The following ADAM23 variants were observed in gnomAD, a reference collection of about 807,000 sequenced individuals.
ADAM23 encodes the protein disintegrin and metalloproteinase domain-containing protein 23.
In ADAM23, 33 loss-of-function variants were observed where a neutral mutation model predicts 120.1. The observed-to-expected ratio is 0.27, with a 90% CI of 0.21 to 0.37. The LOEUF is 0.37. Ranked by LOEUF, ADAM23 falls within the 10% of genes least tolerant of loss-of-function variation. The pLI is 1.00. For synonymous variants in ADAM23, 367 were observed against 375.2 expected, an observed-to-expected ratio of 0.98 and a Z score of 0.25; for missense variants, 862 against 1,058.2, an observed-to-expected ratio of 0.81 and a Z score of 2.57.
At chr2:206,468,546 C>A (rs1471945728) in intron 2 of ADAM23, among the ~76,000 whole-genome samples, 1 of 152,216 alleles carries the variant, frequency 6.6e-6, no homozygotes, top group South Asian at 2.1e-4. Flanking sequence ...GGCTGGCCAT[C>A]TCTGTTCATG....
chr2:206,484,350 A>G (rs2105880294), intron 3 of ADAM23, among the ~76,000 whole-genome samples: 1 of 152,258 alleles, frequency 6.6e-6, no homozygotes, highest in Non-Finnish European at 1.5e-5. Context: ...CAAATGCAAG[A>G]ATTTTTGAGC....
At chr2:206,552,453 A>C (rs1303533409) in intron 9 of ADAM23, among the ~76,000 whole-genome samples, 1 of 152,058 alleles carries the variant, frequency 6.6e-6, no homozygotes, top group East Asian at 1.9e-4. Flanking sequence ...TTTTGAATTT[A>C]TTTTTTAACC....
rs1307084474 is a variant in ADAM23, at chr2:206,557,339, A to G, written c.934-88A>G. On this transcript the variant is annotated intron_variant, in intron 9 of 25. Transcript: ENST00000264377. ...ATATTTTTAAATCCATATTTCTACTATTACTGAGATATTTCTGCTTTTACA... is the reference window on the plus strand; with the variant it reads ...ATATTTTTAAATCCATATTTCTACTGTTACTGAGATATTTCTGCTTTTACA... The G allele has an allele frequency of 7.7e-6, 8 of 1,032,392 alleles. No individual in the cohort carries two copies. The Admixed American group carries it at 8.6e-5, about 11-fold the overall frequency. The allele number at this position is 1,032,392 out of a possible 1,614,324, so 64.0% of individuals were successfully genotyped here. A position where few individuals can be genotyped will look rare whatever the true frequency, so the allele number is the denominator to read the frequency against.
intron 9 of ADAM23, among the ~76,000 whole-genome samples, chr2:206,553,941 C>G (rs1454362512): frequency 6.6e-6 from 1 of 151,710 alleles, no homozygotes; most frequent in African/African-American, 2.4e-5. Context: ...TATTTTTTTT[C>G]AAAAGACAGT....
At chr2:206,568,531 G>A (rs1034929845) in intron 15 of ADAM23, among the ~76,000 whole-genome samples, 2 of 152,136 alleles carry the variant, frequency 1.3e-5, no homozygotes, top group Admixed American at 6.5e-5. Context: ...TAAATGCATC[G>A]TACTTCTCTA....
rs569819538 is a variant in ADAM23 at position 206,543,574 on chromosome 2, A to G, written c.720+258A>G. Among the ~76,000 whole-genome samples, 3 of 152,284 alleles carry G rather than the reference A, an allele frequency of 2.0e-5. No homozygotes were observed. In the South Asian group the frequency reaches 6.2e-4, roughly 32 times the overall value. On this transcript the variant is annotated intron_variant, in intron 6 of 25. Coordinates refer to ENST00000264377, the MANE Select transcript of ADAM23 (RefSeq NM_003812.4). ...CCTTCCCAGTCTATGAAAAGAGCAG[A>G]GAGGATATTTTGTTTTGTATTAGCC... is the stretch of plus-strand genomic sequence containing the variant.
At chr2:206,571,470 G>A (rs527809950) in intron 16 of ADAM23, among the ~76,000 whole-genome samples, 7 of 151,816 alleles carry the variant, frequency 4.6e-5, no homozygotes, top group East Asian at 1.9e-4. Flanking sequence ...GCAAGACTCC[G>A]TCTCAAAAAA....
chr2:206,467,238 C>T (rs1695559784), intron 2 of ADAM23, among the ~76,000 whole-genome samples: 1 of 152,168 alleles, frequency 6.6e-6, no homozygotes, highest in East Asian at 1.9e-4. Flanking sequence ...TTAACTCATT[C>T]CAGCATTAAC....
intron 9 of ADAM23, among the ~76,000 whole-genome samples, chr2:206,554,272 T>G (rs1193014310): frequency 1.3e-5 from 2 of 152,210 alleles, no homozygotes; most frequent in Admixed American, 6.5e-5. Flanking sequence ...AAAAGTATCT[T>G]AGTACCTGGC....
At chr2:206,483,837 A>G (rs1695947031) in intron 3 of ADAM23, among the ~76,000 whole-genome samples, 1 of 152,172 alleles carries the variant, frequency 6.6e-6, no homozygotes. Flanking sequence ...ACCGGGTTAC[A>G]GTAGGCTGGG....
chr2:206,523,617 G>A (rs1316058966), intron 3 of ADAM23, among the ~76,000 whole-genome samples: 2 of 151,818 alleles, frequency 1.3e-5, no homozygotes, highest in Non-Finnish European at 2.9e-5. Flanking sequence ...TATTTTAGGT[G>A]GTATGAGTCT....
At chr2:206,543,765 A>ACG (rs1303414281) in intron 6 of ADAM23, among the ~76,000 whole-genome samples, 1 of 152,146 alleles carries the variant, frequency 6.6e-6, no homozygotes, top group Non-Finnish European at 1.5e-5. Context: ...ACACACACAC[A>ACG]CACACGCACA....
At chr2:206,544,722 C>T (rs564230477) in intron 6 of ADAM23, among the ~76,000 whole-genome samples, 1 of 151,896 alleles carries the variant, frequency 6.6e-6, no homozygotes, top group East Asian at 1.9e-4. Context: ...ACGCCATTCT[C>T]CTGCCTCAGC....
chr2:206,500,257 A>C (rs1371900260), intron 3 of ADAM23, among the ~76,000 whole-genome samples: 2 of 152,124 alleles, frequency 1.3e-5, no homozygotes, highest in Non-Finnish European at 2.9e-5. Context: ...AAGCAAAAGA[A>C]AACTAGTGTT....
At chr2:206,451,915 G>A (rs1695203253) in intron 2 of ADAM23, among the ~76,000 whole-genome samples, 1 of 152,218 alleles carries the variant, frequency 6.6e-6, no homozygotes, top group African/African-American at 2.4e-5. Context: ...TTTACTTCTA[G>A]TAGGAAGAGA....
intron 3 of ADAM23, among the ~76,000 whole-genome samples, chr2:206,492,487 C>T (rs193004570): frequency 6.6e-6 from 1 of 152,254 alleles, no homozygotes; most frequent in East Asian, 1.9e-4. Context: ...AACAAAATGC[C>T]ATGGACTGGG....
rs1407576751 is a variant in ADAM23, at chr2:206,443,965, G to C, written c.99G>C (p.Val33=). ...CCCAACGCGGCCCCGCCGGCTCGGTGCCTGCCAGCGCCCCGGCCCGCACGC... is the reference window on the plus strand; with the variant it reads ...CCCAACGCGGCCCCGCCGGCTCGGTCCCTGCCAGCGCCCCGGCCCGCACGC... ...CGPQRGPAGS[V]PASAPARTPP... is the part of the protein sequence containing the mutation. Residue 33 remains valine (V), a synonymous_variant, in exon 1 of 26, where the codon GTG becomes GTC. Transcript: ENST00000264377. 7.5e-7 allele frequency: 1 copy of C among 1,336,540 alleles called. No individual in the cohort carries two copies. Among genetic ancestry groups the C allele is most frequent in the Non-Finnish European group, 9.6e-7 (1 of 1,042,304 alleles). The allele number at this position is 1,336,540 out of a possible 1,614,324, so 82.8% of individuals were successfully genotyped here.
In ADAM23 at chr2:206,522,883, C is replaced by G. The variant is rs542698855; in HGVS notation, c.510-8002C>G. ...AACCATGATTCTGTCATAAAGGAAT[C>G]TCAAAATTACTGGAAACTTGGAGAG... On this transcript the variant is annotated intron_variant, in intron 3 of 25. Transcript: ENST00000264377. Among the ~76,000 whole-genome samples, 19 of 151,444 alleles carry G rather than the reference C, an allele frequency of 1.3e-4. 2 individuals carry two copies. The South Asian group carries it at 4.0e-3, about 32-fold the overall frequency.
chr2:206,511,913 C>T (rs548313135), intron 3 of ADAM23, among the ~76,000 whole-genome samples: 1 of 152,244 alleles, frequency 6.6e-6, no homozygotes, highest in South Asian at 2.1e-4. Flanking sequence ...GAAACATTTT[C>T]ATTCCCTGGA....
Sources: allele counts gnomAD v4.1 joint callset (sites outside exome capture counted in the v4.1 genomes callset), GRCh38; gene constraint gnomAD v4.1.1; transcripts MANE v1.5; gene names NCBI Gene and HGNC (gene_info 2026-07-23, HGNC 2026-07-21).